IGF2BP2: variants seen among roughly 807,000 people sequenced by gnomAD.
IGF2BP2 encodes insulin-like growth factor 2 mRNA-binding protein 2.
A neutral mutation model predicts 75.8 loss-of-function variants in IGF2BP2; 17 were observed. The ratio of observed to expected loss-of-function variants is 0.22; its 90% CI spans 0.15 to 0.34. IGF2BP2 has a LOEUF of 0.34. IGF2BP2 is among the 10% of genes least tolerant of loss of function. The pLI is 1.00. For synonymous variants in IGF2BP2, 288 were observed against 295.6 expected, an observed-to-expected ratio of 0.97 and a Z score of 0.26; for missense variants, 516 against 772.4, an observed-to-expected ratio of 0.67 and a Z score of 3.93.
At position 185,705,450 on chromosome 3, in the gene IGF2BP2, GCTCTATAAA is replaced by G. The variant is rs569211992; in HGVS notation, c.240-7112_240-7104del. On this transcript the variant is annotated intron_variant, in intron 2 of 15. Transcript: ENST00000382199. ...AGTTATGAACCCAGTAACTTCCCTG[GCTCTATAAA>G]CTCATGTTCACAAAACCATAAGCCC... Among the ~76,000 whole-genome samples, 345 of 152,158 alleles carry G rather than the reference GCTCTATAAA, an allele frequency of 2.3e-3. 4 individuals are homozygous for G. The highest frequency in any genetic ancestry group is 7.6e-3 in the African/African-American group (316 of 41,498).
chr3:185,669,141 T>C (rs1718125426), intron 10 of IGF2BP2, among the ~76,000 whole-genome samples: 1 of 152,210 alleles, frequency 6.6e-6, no homozygotes, highest in Non-Finnish European at 1.5e-5. Flanking sequence ...CTTGCTCCGT[T>C]ACACACACTC....
chr3:185,763,952 T>C (rs909567803), intron 2 of IGF2BP2, among the ~76,000 whole-genome samples: 1 of 152,090 alleles, frequency 6.6e-6, no homozygotes, highest in East Asian at 1.9e-4. Context: ...AGTGGGTAAC[T>C]CCGTTCTGCT....
intron 2 of IGF2BP2, among the ~76,000 whole-genome samples, chr3:185,780,703 C>A (rs115854208): frequency 1.3e-5 from 2 of 152,104 alleles, no homozygotes; most frequent in Non-Finnish European, 2.9e-5. Context: ...CACATTCCCA[C>A]GGATGATATG....
At position 185,658,359 on chromosome 3, in the gene IGF2BP2, C is replaced by T. The variant is rs761440241; in HGVS notation, c.1251G>A (p.Pro417=). 27 of 1,613,742 alleles carry T rather than the reference C, an allele frequency of 1.7e-5. No individual in the cohort carries two copies. The highest frequency in any genetic ancestry group is 3.3e-4 in the Middle Eastern group (2 of 6,074). The change falls in exon 11 of 16, where the codon CCG becomes CCA. Residue 417 remains proline (P), a synonymous_variant. Coordinates refer to ENST00000382199, the MANE Select transcript of IGF2BP2 (RefSeq NM_006548.6). ...CACTTACAGAGTGATGATGCGGGAA[C>T]GGGCCAAACTGGTGATGGGGGTACA... is the stretch of plus-strand genomic sequence containing the variant. ...SSLYPHHQFG[P]FPHHHSYPEQ...
rs969406680 is a variant in IGF2BP2 at position 185,644,745 on chromosome 3, T to C, written c.*786A>G. On this transcript the variant is annotated 3_prime_UTR_variant, in exon 16 of 16. Transcript: ENST00000382199. ...GTATGCAAAAAACCAGTTTAAAACC[T>C]GTGAAGCAAAGAGAAATGGGTGTAT... is the stretch of plus-strand genomic sequence containing the variant. 1.3e-5 allele frequency: 2 copies of C among 152,592 alleles called. No individual in the cohort carries two copies. The highest frequency in any genetic ancestry group is 4.8e-5 in the African/African-American group (2 of 41,436). 9.5% of individuals were successfully genotyped at this position (152,592 alleles called of 1,614,324 possible). A position where few individuals can be genotyped will look rare whatever the true frequency, so the allele number is the denominator to read the frequency against.
intron 2 of IGF2BP2, among the ~76,000 whole-genome samples, chr3:185,784,782 AG>A (rs1290310794): frequency 2.6e-5 from 4 of 152,194 alleles, no homozygotes; most frequent in Non-Finnish European, 5.9e-5. Flanking sequence ...CATTTGCAGA[AG>A]TATCACCAGT....
At chr3:185,769,545 G>A (rs1733581925) in intron 2 of IGF2BP2, among the ~76,000 whole-genome samples, 1 of 152,054 alleles carries the variant, frequency 6.6e-6, no homozygotes, top group Non-Finnish European at 1.5e-5. Context: ...GGTCTCCAAA[G>A]ATTAGAAATG....
intron 2 of IGF2BP2, among the ~76,000 whole-genome samples, chr3:185,763,644 T>G (rs1462697979): frequency 1.3e-5 from 2 of 152,188 alleles, no homozygotes; most frequent in East Asian, 3.8e-4. Context: ...AGAATGGAGA[T>G]AAGACAGAAA....
rs149536213 is a variant in IGF2BP2, at chr3:185,693,058, A to G, written c.341-296T>C. 127 of 252,606 alleles carry G rather than the reference A, an allele frequency of 5.0e-4. No homozygotes were observed. In the East Asian group the frequency reaches 9.9e-3, roughly 20 times the overall value. 15.6% of individuals were successfully genotyped at this position (252,606 alleles called of 1,614,324 possible). A position where few individuals can be genotyped will look rare whatever the true frequency, so the allele number is the denominator to read the frequency against. ...ATTTTCTTTGTATTTTTCATTTTTA[A>G]TGTCTATATAAAATTGCAGTGAGTC... On this transcript the variant is annotated intron_variant, in intron 4 of 15. Coordinates refer to ENST00000382199, the MANE Select transcript of IGF2BP2 (RefSeq NM_006548.6).
intron 2 of IGF2BP2, among the ~76,000 whole-genome samples, chr3:185,766,081 G>A (rs1221785601): frequency 8.5e-5 from 13 of 152,120 alleles, no homozygotes; most frequent in Admixed American, 2.6e-4. Context: ...CTAAGAACCC[G>A]ATGGCTGGGT....
chr3:185,734,858 T>C (rs567688142), intron 2 of IGF2BP2, among the ~76,000 whole-genome samples: 12 of 152,188 alleles, frequency 7.9e-5, no homozygotes, highest in Non-Finnish European at 1.3e-4. Flanking sequence ...AAATCCAGGT[T>C]TTCCCACTTA....
At chr3:185,653,570 G>A (rs190014582) in intron 12 of IGF2BP2, among the ~76,000 whole-genome samples, 3 of 151,854 alleles carry the variant, frequency 2.0e-5, no homozygotes, top group Non-Finnish European at 4.4e-5. Flanking sequence ...GCAATGAGCC[G>A]AGATCAAACC....
intron 2 of IGF2BP2, among the ~76,000 whole-genome samples, chr3:185,805,945 T>C (rs1738970410): frequency 6.6e-6 from 1 of 151,816 alleles, no homozygotes; most frequent in Non-Finnish European, 1.5e-5. Flanking sequence ...CAGCTAATTT[T>C]TGTATTTTTA....
chr3:185,764,465 A>G (rs1057359047), intron 2 of IGF2BP2, among the ~76,000 whole-genome samples: 2 of 152,208 alleles, frequency 1.3e-5, no homozygotes, highest in Non-Finnish European at 2.9e-5. Flanking sequence ...GGGAAAGCCC[A>G]AGGCTGAAGC....
intron 2 of IGF2BP2, among the ~76,000 whole-genome samples, chr3:185,801,430 G>A (rs1229756305): frequency 1.3e-5 from 2 of 151,186 alleles, no homozygotes; most frequent in Admixed American, 6.6e-5. Context: ...CGGAGGTTGT[G>A]GTGAGCCGAG....
chr3:185,673,394 C>T (rs1718825013), intron 9 of IGF2BP2, among the ~76,000 whole-genome samples: 1 of 152,244 alleles, frequency 6.6e-6, no homozygotes, highest in African/African-American at 2.4e-5. Context: ...AGATCAGATT[C>T]TTCACATGAT....
chr3:185,671,074 T>C, intron 10 of IGF2BP2, among the ~76,000 whole-genome samples: 1 of 152,070 alleles, frequency 6.6e-6, no homozygotes, highest in Non-Finnish European at 1.5e-5. Flanking sequence ...ACAGCAAAAA[T>C]ACAGAGATGT....
intron 2 of IGF2BP2, among the ~76,000 whole-genome samples, chr3:185,773,937 C>T (rs577771195): frequency 6.6e-6 from 1 of 152,284 alleles, no homozygotes; most frequent in Middle Eastern, 3.4e-3. Flanking sequence ...TCAGCTCCTT[C>T]GCGGAGATCT....
chr3:185,796,661 G>C (rs1166493929), intron 2 of IGF2BP2, among the ~76,000 whole-genome samples: 2 of 134,280 alleles, frequency 1.5e-5, no homozygotes, highest in Non-Finnish European at 3.2e-5. Flanking sequence ...TAATACAATA[G>C]ACAACAATTT....
Sources: allele counts gnomAD v4.1 joint callset (sites outside exome capture counted in the v4.1 genomes callset), GRCh38; gene constraint gnomAD v4.1.1; transcripts MANE v1.5; gene names NCBI Gene and HGNC (gene_info 2026-07-23, HGNC 2026-07-21).